The following EHBP1L1 variants were observed in gnomAD, a reference collection of about 807,000 sequenced individuals.
EHBP1L1 encodes the protein EH domain-binding protein 1-like protein 1.
In EHBP1L1, 122 loss-of-function variants were observed where a neutral mutation model predicts 151.1. That is an observed-to-expected ratio of 0.81 (90% CI 0.70 to 0.94). EHBP1L1 has a LOEUF of 0.94. Among genes scored for constraint, EHBP1L1 ranks in the 40% least tolerant of loss-of-function variants. The pLI is 0.00. For synonymous variants in EHBP1L1, 878 were observed against 810.1 expected, an observed-to-expected ratio of 1.08 and a Z score of -1.42; for missense variants, 1,941 against 1,959.8, an observed-to-expected ratio of 0.99 and a Z score of 0.18.
rs769102705 is a variant in EHBP1L1 at position 65,581,768 on chromosome 11, G to C, written c.1096G>C (p.Gly366Arg). ...ARLGPSIEDK[G>R]SGDPFGRQRL... ...GCTGGGCCCGAGCATTGAGGATAAA[G>C]GTTCTGGAGACCCTTTTGGAAGGCA... The change falls in exon 9 of 19, where the codon GGT becomes CGT. Residue 366 changes from glycine (G) to arginine (R), a missense_variant. Physicochemically the swap from Gly to Arg is moderately radical, Grantham distance 125 (BLOSUM62 -2). Transcript: ENST00000309295. The C allele has an allele frequency of 6.2e-7, 1 of 1,611,978 alleles. No homozygotes were observed. Among genetic ancestry groups the C allele is most frequent in the Non-Finnish European group, 8.5e-7 (1 of 1,179,072 alleles).
intron 12 of EHBP1L1, among the ~76,000 whole-genome samples, chr11:65,587,294 A>G (rs1346563095): frequency 6.6e-6 from 1 of 151,522 alleles, no homozygotes. Context: ...AATTGTTTGA[A>G]CCCCGGAGGC....
In EHBP1L1 at chr11:65,581,081, C is replaced by A; in HGVS notation, c.658C>A (p.Leu220Ile). The A allele has an allele frequency of 6.2e-7, 1 of 1,612,234 alleles. No homozygotes were observed. The highest frequency in any genetic ancestry group is 8.5e-7 in the Non-Finnish European group (1 of 1,179,316). The change falls in exon 7 of 19, where the codon CTT (leucine) becomes ATT (isoleucine). Residue 220 changes from leucine to isoleucine, a missense_variant. Transcript: ENST00000309295. ...AGATCCCTCTCGAGAGCTGAAGACG[C>A]TTTGTGAGGAGGAGGAGGAAGGCCA... is the stretch of plus-strand genomic sequence containing the variant. ...QPDPSRELKT[L>I]CEEEEEGQGR...
intron 3 of EHBP1L1, 95 bp from the exon 4 acceptor site, chr11:65,579,841 A>AAG: frequency 7.5e-7 from 1 of 1,340,126 alleles, no homozygotes; most frequent in East Asian, 2.4e-5. Context: ...AAAAAAAAAA[A>AAG]GCCACCACTA....
At chr11:65,591,772 C>T in intron 16 of EHBP1L1, 28 bp from the exon 17 acceptor site, 1 of 1,018,068 alleles carries the variant, frequency 9.8e-7, no homozygotes, top group Non-Finnish European at 1.5e-6. Context: ...TGCCACCCCC[C>T]CGCCACCCAC....
chr11:65,590,361 T>C, intron 15 of EHBP1L1, 132 bp from the exon 16 acceptor site: 1 of 1,500,514 alleles, frequency 6.7e-7, no homozygotes. Context: ...GGCCCTGAAG[T>C]GGCTTCCTCG....
Position 65,583,956 on chromosome 11 carries a change from G to T in EHBP1L1, c.3093+191G>T, listed in dbSNP as rs569121786. 72 of 1,412,026 alleles carry T rather than the reference G, an allele frequency of 5.1e-5. No individual in the cohort carries two copies. In the South Asian group the frequency reaches 1.0e-3, roughly 20 times the overall value. 87.5% of individuals were successfully genotyped at this position (1,412,026 alleles called of 1,614,324 possible). The stretch of plus-strand genomic sequence containing the variant: ...TCTCTTACCCCATCTTCCCTGGGCC[G>T]CATGGAGCTGGACACCTCTAAGCTG... On this transcript the variant is annotated intron_variant, in intron 9 of 18. Transcript: ENST00000309295.
intron 1 of EHBP1L1, among the ~76,000 whole-genome samples, chr11:65,577,475 G>A (rs1857385776): frequency 6.6e-6 from 1 of 152,222 alleles, no homozygotes; most frequent in South Asian, 2.1e-4. Context: ...GCATCCTGCG[G>A]GAGGCCAGGG....
chr11:65,590,426 AC>A (rs1858210409), intron 15 of EHBP1L1, 66 bp from the exon 16 acceptor site: 1 of 1,572,474 alleles, frequency 6.4e-7, no homozygotes, highest in South Asian at 1.1e-5. Flanking sequence ...CCCTCCCCCA[AC>A]CCCCAGCTGC....
chr11:65,592,108 G>A lies in EHBP1L1; in HGVS notation c.4472+18G>A. On this transcript the variant is annotated intron_variant, in intron 18 of 18. Coordinates refer to ENST00000309295, the MANE Select transcript of EHBP1L1 (RefSeq NM_001099409.3). ...GAGCGGATGTGAGTGGCGCTGGGCG[G>A]CGCTGGGAGTTGGGAGGGTCCGGGA... 1 of 1,612,258 alleles carries A rather than the reference G, an allele frequency of 6.2e-7. No individual in the cohort carries two copies. The highest frequency in any genetic ancestry group is 8.5e-7 in the Non-Finnish European group (1 of 1,179,004).
chr11:65,582,866 A>G lies in EHBP1L1; in HGVS notation c.2194A>G (p.Arg732Gly), dbSNP rs1287852636. The G allele has an allele frequency of 3.1e-6, 5 of 1,613,462 alleles. No homozygotes were observed. Among genetic ancestry groups the G allele is most frequent in the Non-Finnish European group, 4.2e-6 (5 of 1,179,822 alleles). The part of the protein sequence containing the change: ...KILGTQEITA[R>G]DSGVREIEAE... ...ATTAGGGACCCAGGAGATAACAGCT[A>G]GGGATTCAGGGGTCAGAGAGATAGA... is the stretch of plus-strand genomic sequence containing the variant. Residue 732 changes from arginine (R) to glycine (G), a missense_variant, in exon 9 of 19, where the codon AGG becomes GGG. Transcript: ENST00000309295.
In EHBP1L1 at chr11:65,592,106, C is replaced by T. The variant is rs564998706; in HGVS notation, c.4472+16C>T. The stretch of plus-strand genomic sequence containing the variant: ...AGGAGCGGATGTGAGTGGCGCTGGG[C>T]GGCGCTGGGAGTTGGGAGGGTCCGG... On this transcript the variant is annotated intron_variant, in intron 18 of 18. Transcript: ENST00000309295. 8.1e-6 allele frequency: 13 copies of T among 1,612,038 alleles called. No individual in the cohort carries two copies. The East Asian group carries it at 1.1e-4, about 14-fold the overall frequency.
Position 65,590,208 on chromosome 11 carries a change from C to G in EHBP1L1, c.4181C>G (p.Ser1394Ter). 1.2e-6 allele frequency: 2 copies of G among 1,613,138 alleles called. No individual in the cohort carries two copies. Among genetic ancestry groups the G allele is most frequent in the Non-Finnish European group, 1.7e-6 (2 of 1,179,662 alleles). Residue 1394 changes from serine to a stop codon, truncating the protein, a stop_gained and splice_region_variant, in exon 15 of 19, where the codon TCA (serine) becomes TGA (stop). Coordinates refer to ENST00000309295, the MANE Select transcript of EHBP1L1 (RefSeq NM_001099409.3). LOFTEE classifies it high-confidence loss of function. ...VEMQLRSLME[S>*]GANKLQEEVL... ...ATGCAGCTGAGGAGCCTCATGGAGT[C>G]AGGTGGGGCATACATCTAGGGATCC... is the stretch of plus-strand genomic sequence containing the variant.
chr11:65,592,433 C>T lies in EHBP1L1; in HGVS notation c.*131C>T. On this transcript the variant is annotated 3_prime_UTR_variant, in exon 19 of 19. Coordinates refer to ENST00000309295, the MANE Select transcript of EHBP1L1 (RefSeq NM_001099409.3). ...CCGCTAGGGGCCGCCGGCGCCCTTC[C>T]CCGTACAGGGCAGGGCGGATCCCCG... 1.5e-5 allele frequency: 9 copies of T among 595,618 alleles called. No individual in the cohort carries two copies. The highest frequency in any genetic ancestry group is 1.8e-5 in the Non-Finnish European group (8 of 456,632). 36.9% of individuals were successfully genotyped at this position (595,618 alleles called of 1,614,324 possible).
At position 65,583,146 on chromosome 11, in the gene EHBP1L1, C is replaced by T. The variant is rs369855293; in HGVS notation, c.2474C>T (p.Ala825Val). The T allele has an allele frequency of 1.9e-6, 3 of 1,613,058 alleles. No individual in the cohort carries two copies. Among genetic ancestry groups the T allele is most frequent in the African/African-American group, 2.7e-5 (2 of 74,734 alleles). Residue 825 changes from alanine to valine, a missense_variant, in exon 9 of 19, where the codon GCA becomes GTA. By Grantham distance (64) the Ala-to-Val change is moderately conservative. Transcript: ENST00000309295. ...ETEILGTQEIASRSSGVPGLE... is the reference protein window; with the variant it reads ...ETEILGTQEIVSRSSGVPGLE... The stretch of plus-strand genomic sequence containing the variant: ...GAGATATTGGGGACCCAAGAGATAG[C>T]ATCTAGGAGTTCAGGGGTCCCAGGG...
Position 65,576,177 on chromosome 11 carries a change from C to T in EHBP1L1, c.-126C>T, listed in dbSNP as rs1857313705. On this transcript the variant is annotated 5_prime_UTR_variant, in exon 1 of 19. Coordinates refer to ENST00000309295, the MANE Select transcript of EHBP1L1 (RefSeq NM_001099409.3). ...CGGAGAGCGCGGTCCCGGGTCGGAG[C>T]CTGGGACACCTCCGCACGGACGGGG... The T allele has an allele frequency of 1.3e-6, 1 of 767,160 alleles. No individual in the cohort carries two copies. The highest frequency in any genetic ancestry group is 3.3e-5 in the South Asian group (1 of 30,496). The allele number at this position is 767,160 out of a possible 1,614,324, so 47.5% of individuals were successfully genotyped here. A position where few individuals can be genotyped will look rare whatever the true frequency, so the allele number is the denominator to read the frequency against.
chr11:65,580,516 G>A, intron 6 of EHBP1L1, 37 bp downstream of exon 6: 1 of 1,596,154 alleles, frequency 6.3e-7, no homozygotes, highest in Non-Finnish European at 8.5e-7. Context: ...AGACTGCCAA[G>A]ACCTGGGGAG....
At position 65,581,879 on chromosome 11, in the gene EHBP1L1, G is replaced by A. The variant is rs1857629537; in HGVS notation, c.1207G>A (p.Ala403Thr). The change falls in exon 9 of 19, where the codon GCA (alanine) becomes ACA (threonine). Residue 403 changes from alanine to threonine, a missense_variant. Ala to Thr is a moderately conservative substitution (Grantham distance 58). Coordinates refer to ENST00000309295, the MANE Select transcript of EHBP1L1 (RefSeq NM_001099409.3). ...TGAGCCAAGGTCAGGAGGCAGAGAG[G>A]CAAACACTAAGAGGTCAGGAGTCAG... ...DTEPRSGGREANTKRSGVRAG... is the reference protein window; with the variant it reads ...DTEPRSGGRETNTKRSGVRAG... 1 of 1,613,494 alleles carries A rather than the reference G, an allele frequency of 6.2e-7. No homozygotes were observed. The highest frequency in any genetic ancestry group is 1.7e-5 in the Admixed American group (1 of 59,970).
chr11:65,585,459 G>C lies in EHBP1L1; in HGVS notation c.3801G>C (p.Pro1267=). Residue 1267 remains proline (P), a synonymous_variant, in exon 12 of 19, where the codon CCG becomes CCC. Transcript: ENST00000309295. This position sits in a 1 kb window ranked among gnomAD's most constrained non-coding sequence, Gnocchi z 4.0. The part of the protein sequence containing the change: ...SVNGEPGSVP[P]PRAHGSFSHV... ...ACGGGGAGCCCGGGTCGGTGCCCCC[G>C]CCCCGCGCGCACGGCTCCTTCTCCC... The C allele has an allele frequency of 2.0e-6, 3 of 1,526,344 alleles. No individual in the cohort carries two copies. In the South Asian group the frequency reaches 3.6e-5, roughly 18 times the overall value. 94.6% of individuals were successfully genotyped at this position (1,526,344 alleles called of 1,614,324 possible).
chr11:65,579,850 T>G, intron 3 of EHBP1L1, 86 bp from the exon 4 acceptor site: 1 of 1,227,434 alleles, frequency 8.1e-7, no homozygotes, highest in Non-Finnish European at 1.2e-6. Flanking sequence ...AAGCCACCAC[T>G]ACCAAGCACC....
Sources: allele counts gnomAD v4.1 joint callset (sites outside exome capture counted in the v4.1 genomes callset), GRCh38; gene constraint gnomAD v4.1.1; non-coding constraint Gnocchi (gnomAD v3.1); transcripts MANE v1.5; gene names NCBI Gene and HGNC (gene_info 2026-07-23, HGNC 2026-07-21).